GALNT13: variants seen among roughly 807,000 people sequenced by gnomAD.
The protein encoded by GALNT13 is polypeptide N-acetylgalactosaminyltransferase 13.
GALNT13 carries 28 observed loss-of-function variants against 64.2 expected under a neutral mutation model. The observed-to-expected ratio is 0.44, with a 90% CI of 0.32 to 0.60. The LOEUF is 0.60. Ranked by LOEUF, GALNT13 falls within the 20% of genes least tolerant of loss-of-function variation. GALNT13 has a pLI of 0.05. For synonymous variants in GALNT13, 214 were observed against 224.6 expected (o/e 0.95, Z 0.42); for missense variants, 577 against 669.8 (o/e 0.86, Z 1.53).
At chr2:153,147,892 C>T in the GALNT13 span, among the ~76,000 whole-genome samples, 1 of 151,874 alleles carries the variant, frequency 6.6e-6, no homozygotes, top group African/African-American at 2.4e-5. Context: ...GTAACAGTAG[C>T]TGGGAGCTCA....
At chr2:153,426,292 T>G in the GALNT13 span, among the ~76,000 whole-genome samples, 1 of 151,782 alleles carries the variant, frequency 6.6e-6, no homozygotes, top group Admixed American at 6.6e-5. Context: ...AGTAGAGATA[T>G]CTAAAGAACA....
chr2:153,796,849 C>T, the GALNT13 span, among the ~76,000 whole-genome samples: 1 of 152,142 alleles, frequency 6.6e-6, no homozygotes, highest in African/African-American at 2.4e-5. Context: ...GTTAACTCAG[C>T]TTTTCCAATA....
intron 9 of GALNT13, among the ~76,000 whole-genome samples, chr2:154,379,469 A>C (rs799785): frequency 0.99 from 150,466 of 152,084 alleles, 74,455 homozygotes; most frequent in Middle Eastern, 1. Flanking sequence ...TAAAGTAATT[A>C]ATTTTTGGTC....
chr2:154,374,259 A>G lies in GALNT13; in HGVS notation c.1157-21732A>G, dbSNP rs964325415. Among the ~76,000 whole-genome samples, 3 of 152,244 alleles carry G rather than the reference A, an allele frequency of 2.0e-5. No individual in the cohort carries two copies. The East Asian group carries it at 5.8e-4, about 29-fold the overall frequency. On this transcript the variant is annotated intron_variant, in intron 9 of 12. Coordinates refer to ENST00000392825, the MANE Select transcript of GALNT13 (RefSeq NM_052917.4). Reference sequence around the variant, plus strand: ...TAAGCATCATTCAAATATTTTATCTAGATCTCCCTTTGTTGAAGAAGGAAT... The same window carrying G: ...TAAGCATCATTCAAATATTTTATCTGGATCTCCCTTTGTTGAAGAAGGAAT...
chr2:153,171,363 A>G, the GALNT13 span, among the ~76,000 whole-genome samples: 1 of 152,208 alleles, frequency 6.6e-6, no homozygotes, highest in Non-Finnish European at 1.5e-5. Flanking sequence ...AAAGCATGTG[A>G]CATAAAATTA....
intron 9 of GALNT13, among the ~76,000 whole-genome samples, chr2:154,335,571 C>T (rs142018191): frequency 5.9e-5 from 9 of 152,068 alleles, no homozygotes; most frequent in Non-Finnish European, 7.4e-5. Flanking sequence ...ATACAATAGA[C>T]TCCTGGGACC....
chr2:153,876,917 C>T (rs904589133), intron 1 of GALNT13, among the ~76,000 whole-genome samples: 1 of 152,066 alleles, frequency 6.6e-6, no homozygotes, highest in Non-Finnish European at 1.5e-5. Flanking sequence ...CATTCAATGT[C>T]CACGTAATTA....
intron 3 of GALNT13, among the ~76,000 whole-genome samples, chr2:154,003,405 G>A (rs1241756497): frequency 6.6e-6 from 1 of 152,120 alleles, no homozygotes; most frequent in Non-Finnish European, 1.5e-5. Flanking sequence ...ACCAGCTGTG[G>A]CTTCTGTCAT....
chr2:153,789,826 A>G, the GALNT13 span, among the ~76,000 whole-genome samples: 1 of 152,132 alleles, frequency 6.6e-6, no homozygotes, highest in African/African-American at 2.4e-5. Flanking sequence ...AAACTAGAAA[A>G]CCTAGAAGAC....
chr2:153,347,146 C>T, the GALNT13 span, among the ~76,000 whole-genome samples: 2 of 152,192 alleles, frequency 1.3e-5, no homozygotes, highest in African/African-American at 2.4e-5. Context: ...AACCTAGAGC[C>T]CTGCCCTGAA....
chr2:153,958,008 G>A (rs1273336857), intron 3 of GALNT13, among the ~76,000 whole-genome samples: 4 of 152,192 alleles, frequency 2.6e-5, no homozygotes, highest in Non-Finnish European at 5.9e-5. Flanking sequence ...AATGGCACAT[G>A]TACTCTAAGT....
chr2:153,754,637 C>T, the GALNT13 span, among the ~76,000 whole-genome samples: 2 of 152,112 alleles, frequency 1.3e-5, no homozygotes, highest in Admixed American at 1.3e-4. Flanking sequence ...GTGAGCTGTG[C>T]AGCCTGGGGT....
the GALNT13 span, among the ~76,000 whole-genome samples, chr2:153,724,595 A>C: frequency 2.6e-5 from 3 of 114,048 alleles, no homozygotes; most frequent in African/African-American, 1.3e-4. Flanking sequence ...CAATGAACTC[A>C]AACAAATTTA....
At chr2:153,820,562 A>G in the GALNT13 span, among the ~76,000 whole-genome samples, 3 of 152,170 alleles carry the variant, frequency 2.0e-5, no homozygotes, top group African/African-American at 7.2e-5. Context: ...GAAGAGATTA[A>G]GGCCCTATAT....
At chr2:153,716,387 G>A in the GALNT13 span, among the ~76,000 whole-genome samples, 9 of 152,064 alleles carry the variant, frequency 5.9e-5, no homozygotes, top group African/African-American at 9.7e-5. Context: ...AGCTATCATC[G>A]GTGATAGTGT....
At chr2:153,491,459 A>G in the GALNT13 span, among the ~76,000 whole-genome samples, 2 of 152,130 alleles carry the variant, frequency 1.3e-5, no homozygotes, top group Non-Finnish European at 2.9e-5. Context: ...TTAGGAAAAT[A>G]ACTGAAATCA....
the GALNT13 span, among the ~76,000 whole-genome samples, chr2:153,220,028 A>G: frequency 3.3e-5 from 5 of 152,316 alleles, no homozygotes; most frequent in Admixed American, 6.5e-5. Context: ...CTTGACTCTG[A>G]GATAAAAGTA....
chr2:153,445,967 G>C, the GALNT13 span, among the ~76,000 whole-genome samples: 1 of 151,684 alleles, frequency 6.6e-6, no homozygotes, highest in Non-Finnish European at 1.5e-5. Flanking sequence ...TTTCTTTTTT[G>C]CTTTATTCCT....
intron 9 of GALNT13, among the ~76,000 whole-genome samples, chr2:154,341,506 G>A (rs955660043): frequency 6.6e-6 from 1 of 152,042 alleles, no homozygotes; most frequent in African/African-American, 2.4e-5. Flanking sequence ...TACAAAAAAA[G>A]ATAGTATATT....
Sources: gnomAD v4.1 joint callset for allele counts (sites outside exome capture counted in the v4.1 genomes callset) on GRCh38, gnomAD v4.1.1 for gene constraint, MANE v1.5 for transcripts, NCBI Gene and HGNC (gene_info 2026-07-23, HGNC 2026-07-21) for gene names.